The following PLPPR1 variants were observed in gnomAD, a reference collection of about 807,000 sequenced individuals.
The protein encoded by PLPPR1 is phospholipid phosphatase-related protein type 1.
Under a neutral mutation model 33.1 loss-of-function variants are expected in PLPPR1, and 10 were observed. The ratio of observed to expected loss-of-function variants is 0.30; its 90% CI spans 0.19 to 0.51. The LOEUF is 0.51. PLPPR1 is among the 20% of genes least tolerant of loss of function. The pLI is 0.97. For missense variants in PLPPR1, 304 were observed against 408.1 expected (o/e 0.74, Z 2.20); for synonymous variants, 151 against 151.0 (o/e 1.00, Z 0.00).
chr9:101,237,863 T>C (rs1011436500), intron 2 of PLPPR1, among the ~76,000 whole-genome samples: 1 of 138,992 alleles, frequency 7.2e-6, no homozygotes, highest in Non-Finnish European at 1.6e-5. Context: ...TGTATATATA[T>C]ATATACACAC....
At chr9:101,078,336 C>T (rs1029872942) in intron 1 of PLPPR1, among the ~76,000 whole-genome samples, 1 of 151,278 alleles carries the variant, frequency 6.6e-6, no homozygotes, top group Non-Finnish European at 1.5e-5. Context: ...GAGTAGAATG[C>T]AGAAAACCCT....
At chr9:101,064,621 C>T (rs544732339) in intron 1 of PLPPR1, among the ~76,000 whole-genome samples, 3 of 152,154 alleles carry the variant, frequency 2.0e-5, no homozygotes, top group South Asian at 4.1e-4. Flanking sequence ...CTGGTCCAAG[C>T]GGAGCAGACA....
intron 2 of PLPPR1, among the ~76,000 whole-genome samples, chr9:101,268,011 A>C (rs971246070): frequency 7.9e-5 from 12 of 152,034 alleles, no homozygotes; most frequent in African/African-American, 2.9e-4. Flanking sequence ...AGGACGAAAA[A>C]CCAAACACCA....
intron 4 of PLPPR1, among the ~76,000 whole-genome samples, chr9:101,303,970 C>T (rs1040857422): frequency 6.6e-6 from 1 of 152,184 alleles, no homozygotes; most frequent in African/African-American, 2.4e-5. Context: ...GTTTCTTGTG[C>T]TTCACAAACA....
At chr9:101,300,324 C>G (rs114952967) in intron 4 of PLPPR1, among the ~76,000 whole-genome samples, 7,224 of 152,116 alleles carry the variant, frequency 0.047, 536 homozygotes, top group African/African-American at 0.16. Flanking sequence ...CAGGCACACA[C>G]CACCACACCC....
At chr9:101,264,506 T>G (rs531816921) in intron 2 of PLPPR1, among the ~76,000 whole-genome samples, 1 of 152,258 alleles carries the variant, frequency 6.6e-6, no homozygotes, top group South Asian at 2.1e-4. Flanking sequence ...CCACTGGGGA[T>G]CAGCAGACAA....
chr9:101,256,266 CAA>C (rs1437094933), intron 2 of PLPPR1, among the ~76,000 whole-genome samples: 2 of 152,032 alleles, frequency 1.3e-5, no homozygotes, highest in Admixed American at 1.3e-4. Flanking sequence ...GATAGAAACT[CAA>C]GAGTTTAATT....
intron 1 of PLPPR1, among the ~76,000 whole-genome samples, chr9:101,075,840 A>G (rs1252588539): frequency 1.7e-5 from 2 of 118,356 alleles, no homozygotes; most frequent in Non-Finnish European, 3.8e-5. Flanking sequence ...TGGTTGGATG[A>G]GGATTTCCTT....
At chr9:101,154,838 A>G (rs1410306211) in intron 1 of PLPPR1, among the ~76,000 whole-genome samples, 1 of 151,876 alleles carries the variant, frequency 6.6e-6, no homozygotes, top group Admixed American at 6.6e-5. Context: ...GGAAACCATC[A>G]TTCTCAGCAA....
rs760426703 is a variant in PLPPR1, at chr9:101,222,772, G to A, written c.63+37215G>A. 2.0e-5 allele frequency among the ~76,000 whole-genome samples: 3 copies of A among 152,008 alleles called. No homozygotes were observed. The South Asian group carries it at 6.2e-4, about 32-fold the overall frequency. Reference sequence around the variant, plus strand: ...TAGTTTGTTGGTGTACAATAGTGTCGGTCACGACATTCTAAAAATAGAATT... The same window carrying A: ...TAGTTTGTTGGTGTACAATAGTGTCAGTCACGACATTCTAAAAATAGAATT... On this transcript the variant is annotated intron_variant, in intron 2 of 7. Coordinates refer to ENST00000374874, the MANE Select transcript of PLPPR1 (RefSeq NM_207299.2).
intron 1 of PLPPR1, among the ~76,000 whole-genome samples, chr9:101,091,880 A>G (rs1830745650): frequency 6.6e-6 from 1 of 152,030 alleles, no homozygotes; most frequent in African/African-American, 2.4e-5. Flanking sequence ...ATCAACTCTC[A>G]CTTGAATTGT....
Position 101,092,849 on chromosome 9 carries a change from G to A in PLPPR1, c.-46+63747G>A, listed in dbSNP as rs375366026. On this transcript the variant is annotated intron_variant, in intron 1 of 7. Transcript: ENST00000374874. ...TTACGGTTAGATGAGGTCACGAGGCGAGGGTCCCCATGATGGGATTAGTGT... is the reference window on the plus strand; with the variant it reads ...TTACGGTTAGATGAGGTCACGAGGCAAGGGTCCCCATGATGGGATTAGTGT... 1.4e-4 allele frequency among the ~76,000 whole-genome samples: 22 copies of A among 152,208 alleles called. No homozygotes were observed. In the South Asian group the frequency reaches 1.5e-3, roughly 10 times the overall value.
At chr9:101,259,134 T>C (rs1827852225) in intron 2 of PLPPR1, among the ~76,000 whole-genome samples, 1 of 152,114 alleles carries the variant, frequency 6.6e-6, no homozygotes, top group Admixed American at 6.6e-5. Flanking sequence ...AAACAACCAC[T>C]GAGACACTGG....
chr9:101,060,568 A>G (rs556354537), intron 1 of PLPPR1, among the ~76,000 whole-genome samples: 1 of 152,092 alleles, frequency 6.6e-6, no homozygotes, highest in Admixed American at 6.6e-5. Context: ...GCTGTTCACC[A>G]TACATGAATA....
intron 1 of PLPPR1, among the ~76,000 whole-genome samples, chr9:101,167,455 C>T (rs1825878278): frequency 6.6e-6 from 1 of 151,502 alleles, no homozygotes; most frequent in Non-Finnish European, 1.5e-5. Context: ...ACAGCTTTTT[C>T]AGAATTCTAG....
intron 1 of PLPPR1, among the ~76,000 whole-genome samples, chr9:101,176,123 G>A (rs754296134): frequency 1.3e-5 from 2 of 152,090 alleles, no homozygotes; most frequent in South Asian, 2.1e-4. Context: ...CTAGCCAAAG[G>A]GCCTGGAAAA....
chr9:101,109,020 G>A (rs62575688), intron 1 of PLPPR1, among the ~76,000 whole-genome samples: 3 of 148,882 alleles, frequency 2.0e-5, no homozygotes, highest in East Asian at 2.0e-4. Flanking sequence ...GTGCAGTGGC[G>A]CGATCTCGGC....
intron 1 of PLPPR1, among the ~76,000 whole-genome samples, chr9:101,099,489 C>A (rs994636440): frequency 6.6e-6 from 1 of 152,092 alleles, no homozygotes; most frequent in African/African-American, 2.4e-5. Context: ...TGTGGGTTAC[C>A]CATCCATGAA....
chr9:101,247,223 A>C (rs1275027995), intron 2 of PLPPR1, among the ~76,000 whole-genome samples: 1 of 152,020 alleles, frequency 6.6e-6, no homozygotes, highest in Admixed American at 6.6e-5. Flanking sequence ...AGGGACGCCC[A>C]ACAATGTGTC....
Sources: allele counts gnomAD v4.1 joint callset (sites outside exome capture counted in the v4.1 genomes callset), GRCh38; gene constraint gnomAD v4.1.1; transcripts MANE v1.5; gene names NCBI Gene and HGNC (gene_info 2026-07-23, HGNC 2026-07-21).